CEP126: variants seen among roughly 807,000 people sequenced by gnomAD.
CEP126 encodes the protein centrosomal protein 126, also known as centrosomal protein of 126 kDa.
Under a neutral mutation model 107.8 loss-of-function variants are expected in CEP126, and 74 were observed. The observed-to-expected ratio is 0.69, with a 90% CI of 0.57 to 0.83. The LOEUF is 0.83. CEP126 is among the 40% of genes least tolerant of loss of function. CEP126 has a pLI of 0.00. For synonymous variants in CEP126, 449 were observed against 446.0 expected (o/e 1.01, Z -0.08); for missense variants, 1,237 against 1,281.9 (o/e 0.96, Z 0.53).
intron 5 of CEP126, among the ~76,000 whole-genome samples, chr11:101,960,808 T>G (rs934040073): frequency 6.6e-6 from 1 of 152,058 alleles, no homozygotes; most frequent in African/African-American, 2.4e-5. Context: ...ATGATAAATC[T>G]TAAGGGATAT....
At chr11:101,942,914 G>A (rs1040028831) in intron 2 of CEP126, among the ~76,000 whole-genome samples, 1 of 151,896 alleles carries the variant, frequency 6.6e-6, no homozygotes, top group Non-Finnish European at 1.5e-5. Flanking sequence ...ATTGTTCATT[G>A]TTAAGTGTAT....
intron 1 of CEP126, among the ~76,000 whole-genome samples, chr11:101,917,699 T>C (rs1268765361): frequency 6.6e-6 from 1 of 151,942 alleles, no homozygotes; most frequent in African/African-American, 2.4e-5. Flanking sequence ...CATTTTATCC[T>C]AGCACCCACC....
At chr11:101,948,656 C>T (rs183835508) in intron 4 of CEP126, among the ~76,000 whole-genome samples, 1 of 152,204 alleles carries the variant, frequency 6.6e-6, no homozygotes, top group Admixed American at 6.5e-5. Context: ...TACCCTCGGA[C>T]ATCCTGTATC....
intron 2 of CEP126, among the ~76,000 whole-genome samples, chr11:101,941,374 T>A (rs1478019537): frequency 6.6e-6 from 1 of 152,186 alleles, no homozygotes; most frequent in Non-Finnish European, 1.5e-5. Context: ...AGGTACCTCA[T>A]TTAAAGTGAA....
chr11:101,978,282 G>A (rs1308458823), intron 6 of CEP126, 65 bp from the exon 7 acceptor site: 1 of 953,278 alleles, frequency 1.0e-6, no homozygotes, highest in African/African-American at 1.7e-5. Flanking sequence ...TTGAAAATTT[G>A]CAGTGGGTAT....
At chr11:101,974,722 C>T (rs866863543) in intron 6 of CEP126, among the ~76,000 whole-genome samples, 10 of 152,008 alleles carry the variant, frequency 6.6e-5, no homozygotes, top group Non-Finnish European at 1.2e-4. Flanking sequence ...GCCAGAGATA[C>T]CAGTGCAAGC....
intron 3 of CEP126, among the ~76,000 whole-genome samples, chr11:101,944,942 A>G (rs1436530188): frequency 6.6e-6 from 1 of 152,204 alleles, no homozygotes; most frequent in East Asian, 1.9e-4. Context: ...CAATATGTCA[A>G]AGCTTCATAA....
At chr11:101,978,149 C>G (rs1941214085) in intron 6 of CEP126, among the ~76,000 whole-genome samples, 198 bp from the exon 7 acceptor site, 2 of 152,104 alleles carry the variant, frequency 1.3e-5, no homozygotes, top group African/African-American at 2.4e-5. Context: ...CCCTCAGAAG[C>G]AAGGATTTTG....
chr11:101,920,191 CAAAT>C (rs1167634329), intron 1 of CEP126, among the ~76,000 whole-genome samples: 1 of 151,978 alleles, frequency 6.6e-6, no homozygotes, highest in South Asian at 2.1e-4. Flanking sequence ...CAAAAGAAAA[CAAAT>C]AAGCCCCCAT....
intron 9 of CEP126, 87 bp from the exon 10 acceptor site, chr11:101,992,691 C>G (rs1044127058): frequency 1.3e-6 from 1 of 766,748 alleles, no homozygotes; most frequent in African/African-American, 1.9e-5. Flanking sequence ...TTTGATACAT[C>G]AGAATTTAAT....
rs151151676 is a variant in CEP126, at chr11:101,943,992, G to A, written c.249-273G>A. ...GCTTTTTCCACAGCACAGTTTGCGA[G>A]GTGGGAATAGGTATGCAAACCTGCC... On this transcript the variant is annotated intron_variant, in intron 2 of 10. Transcript: ENST00000263468. Among the ~76,000 whole-genome samples, 32 of 152,198 alleles carry A rather than the reference G, an allele frequency of 2.1e-4. 1 individual carries two copies. In the East Asian group the frequency reaches 6.2e-3, roughly 29 times the overall value.
At chr11:101,921,718 A>AG (rs1439409084) in intron 1 of CEP126, among the ~76,000 whole-genome samples, 1 of 149,904 alleles carries the variant, frequency 6.7e-6, no homozygotes, top group African/African-American at 2.4e-5. Context: ...AAAAAAAAAA[A>AG]AAAAAAACTG....
At chr11:101,985,683 C>G (rs918878955) in intron 8 of CEP126, among the ~76,000 whole-genome samples, 2 of 151,984 alleles carry the variant, frequency 1.3e-5, no homozygotes, top group African/African-American at 2.4e-5. Context: ...ATATCTAGTC[C>G]CAAGCATTTT....
Position 101,963,647 on chromosome 11 carries a change from T to G in CEP126, c.2612T>G (p.Val871Gly), listed in dbSNP as rs765078276. 18 of 1,614,150 alleles carry G rather than the reference T, an allele frequency of 1.1e-5. No individual in the cohort carries two copies. The Admixed American group carries it at 1.3e-4, about 12-fold the overall frequency. ...LSNACSDLVTVIPSLPSYCSS... is the reference protein window; with the variant it reads ...LSNACSDLVTGIPSLPSYCSS... ...AATGCTTGTTCTGACCTAGTCACTG[T>G]GATACCATCACTGCCATCATATTGT... Residue 871 changes from valine to glycine, a missense_variant, in exon 6 of 11, where the codon GTG (valine) becomes GGG (glycine). Val to Gly is a moderately radical substitution (Grantham distance 109). Coordinates refer to ENST00000263468, the MANE Select transcript of CEP126 (RefSeq NM_020802.4).
intron 6 of CEP126, among the ~76,000 whole-genome samples, chr11:101,970,493 G>T (rs931305125): frequency 6.6e-6 from 1 of 151,048 alleles, no homozygotes; most frequent in Admixed American, 6.6e-5. Flanking sequence ...CTGGGTTTGG[G>T]TATATAATCT....
intron 1 of CEP126, chr11:101,915,998 C>G (rs893344260): frequency 2.6e-5 from 4 of 152,200 alleles, no homozygotes; most frequent in African/African-American, 9.7e-5. Flanking sequence ...TGACTTTTCT[C>G]GAAGAGTTGG....
At position 101,915,259 on chromosome 11, in the gene CEP126, G is replaced by A. The variant is rs753263798; in HGVS notation, c.-26G>A. ...GCCATGAGGGAGGTTCTGGGGGCGA[G>A]CAGACAGGCGGCGCTGAAGTGAAGG... On this transcript the variant is annotated 5_prime_UTR_variant, in exon 1 of 11. Transcript: ENST00000263468. 24 of 1,612,232 alleles carry A rather than the reference G, an allele frequency of 1.5e-5. No individual in the cohort carries two copies. The Admixed American group carries it at 2.8e-4, about 19-fold the overall frequency.
rs189076842 is a variant in CEP126 at position 101,963,391 on chromosome 11, A to C, written c.2356A>C (p.Lys786Gln). 299 of 1,614,178 alleles carry C rather than the reference A, an allele frequency of 1.9e-4. 7 individuals are homozygous for C. The Admixed American group carries it at 4.8e-3, about 26-fold the overall frequency. Residue 786 changes from lysine to glutamine, a missense_variant, in exon 6 of 11, where the codon AAA (lysine) becomes CAA (glutamine). This residue lies in a region of CEP126 where 1,134 missense variants were observed against 1,150.5 expected (regional missense o/e 0.99). Transcript: ENST00000263468. ...GAVIQPQSAS[K>Q]VNIFTQAQGK... is the part of the protein sequence containing the mutation. ...TGTCATTCAACCACAGTCTGCAAGCAAAGTCAACATATTTACACAAGCTCA... is the reference window on the plus strand; with the variant it reads ...TGTCATTCAACCACAGTCTGCAAGCCAAGTCAACATATTTACACAAGCTCA...
chr11:101,947,925 CA>C, intron 3 of CEP126, 105 bp from the exon 4 acceptor site: 1 of 458,116 alleles, frequency 2.2e-6, no homozygotes, highest in Middle Eastern at 4.7e-4. Context: ...TTTATTTTTA[CA>C]AAAGTTTTAA....
Sources: gnomAD v4.1 joint callset for allele counts (sites outside exome capture counted in the v4.1 genomes callset) on GRCh38, gnomAD v4.1.1 for gene constraint, gnomAD v4.1.1 regional missense constraint, MANE v1.5 for transcripts, NCBI Gene and HGNC (gene_info 2026-07-23, HGNC 2026-07-21) for gene names.